The following KCNH2 variants were observed in gnomAD, a reference collection of about 807,000 sequenced individuals.
KCNH2 encodes voltage-gated inwardly rectifying potassium channel KCNH2.
In KCNH2, 35 loss-of-function variants were observed where a neutral mutation model predicts 95.9. The ratio of observed to expected loss-of-function variants is 0.37; its 90% CI spans 0.28 to 0.48. The LOEUF (loss-of-function observed/expected upper bound fraction) is 0.48. Ranked by LOEUF, KCNH2 falls within the 20% of genes least tolerant of loss-of-function variation. The probability of loss-of-function intolerance (pLI) is 0.99; values close to 1 mark genes in which losing one functional copy is unlikely to be tolerated. For synonymous variants in KCNH2, 786 were observed against 754.7 expected, an observed-to-expected ratio of 1.04 and a Z score of -0.68; for missense variants, 1,274 against 1,702.9, an observed-to-expected ratio of 0.75 and a Z score of 4.43.
intron 2 of KCNH2, among the ~76,000 whole-genome samples, chr7:150,967,475 G>A (rs1174915074): frequency 2.6e-5 from 4 of 152,192 alleles, no homozygotes; most frequent in Non-Finnish European, 4.4e-5. Flanking sequence ...AGAACAGAGA[G>A]CACAGGGACA....
At chr7:150,953,550 G>A (rs1475123529) in intron 5 of KCNH2, among the ~76,000 whole-genome samples, 1 of 152,088 alleles carries the variant, frequency 6.6e-6, no homozygotes, top group African/African-American at 2.4e-5. Flanking sequence ...GTGCACACAG[G>A]GACTGCTCAG....
intron 2 of KCNH2, among the ~76,000 whole-genome samples, chr7:150,963,520 C>G (rs996115448): frequency 4.6e-5 from 7 of 152,182 alleles, no homozygotes; most frequent in Non-Finnish European, 1.0e-4. Context: ...TGAGAGGCCC[C>G]AGGGCCAGCC....
chr7:150,948,147 G>A (rs1800988844), intron 11 of KCNH2, among the ~76,000 whole-genome samples: 1 of 152,220 alleles, frequency 6.6e-6, no homozygotes, highest in African/African-American at 2.4e-5. Flanking sequence ...TGGCTCCCTG[G>A]CCCTCCTTTG....
Position 150,948,994 on chromosome 7 carries a change from C to T in KCNH2, c.2454G>A (p.Ser818=), listed in dbSNP as rs72549418. The T allele has an allele frequency of 3.0e-4, 482 of 1,614,176 alleles. No individual in the cohort carries two copies. The highest frequency in any genetic ancestry group is 8.2e-4 in the Middle Eastern group (5 of 6,062). The change falls in exon 10 of 15, where the codon TCG becomes TCA. Residue 818 remains serine, a synonymous_variant. Coordinates refer to ENST00000262186, the MANE Select transcript of KCNH2 (RefSeq NM_000238.4). ...AGGTGAGGGCCCGCACATCCCCGTT[C>T]GACTTGCCAGGCCTTGCATACAGGT... The part of the protein sequence containing the change: ...PLNLYARPGK[S]NGDVRALTYC...
At chr7:150,975,083 G>A in intron 1 of KCNH2, 142 bp from the exon 2 acceptor site, 1 of 711,074 alleles carries the variant, frequency 1.4e-6, no homozygotes. Flanking sequence ...GTCCCAGCAG[G>A]GGGCGAACGC....
At chr7:150,947,162 G>A (rs1800926736) in intron 13 of KCNH2, 108 bp from the exon 14 acceptor site, 1 of 1,119,184 alleles carries the variant, frequency 8.9e-7, no homozygotes, top group African/African-American at 1.5e-5. Context: ...TGTCAACCCA[G>A]GCCCTCCGCG....
At chr7:150,949,610 T>C (rs1363523017) in intron 9 of KCNH2, 3 of 1,081,040 alleles carry the variant, frequency 2.8e-6, no homozygotes, top group East Asian at 1.5e-4. Context: ...TACCATCAAC[T>C]ATGGTCGAAA....
rs551939236 is a variant in KCNH2 at position 150,950,541 on chromosome 7, C to T, written c.2146-121G>A. ...CTCAACCTCCAGGCCTGGGAGATCTCGGAAGCATCAGGGGGCCCAGTGTCT... is the reference window on the plus strand; with the variant it reads ...CTCAACCTCCAGGCCTGGGAGATCTTGGAAGCATCAGGGGGCCCAGTGTCT... On this transcript the variant is annotated intron_variant, in intron 8 of 14. Coordinates refer to ENST00000262186, the MANE Select transcript of KCNH2 (RefSeq NM_000238.4). 2.1e-5 allele frequency: 28 copies of T among 1,336,122 alleles called. No homozygotes were observed. The African/African-American group carries it at 2.3e-4, about 11-fold the overall frequency. The allele number at this position is 1,336,122 out of a possible 1,614,324, so 82.8% of individuals were successfully genotyped here.
chr7:150,948,913 G>A lies in KCNH2; in HGVS notation c.2535C>T (p.Tyr845=), dbSNP rs111531831. The A allele has an allele frequency of 3.1e-6, 5 of 1,614,212 alleles. No homozygotes were observed. The highest frequency in any genetic ancestry group is 1.1e-5 in the South Asian group (1 of 91,084). ...RDDLLEVLDM[Y]PEFSDHFWSS... is the part of the protein sequence containing the mutation. ...ACCAGAAGTGGTCGGAGAACTCAGG[G>A]TACATGTCCAGCACCTCCAGCAGGT... Residue 845 remains tyrosine (Y), a synonymous_variant, in exon 10 of 15, where the codon TAC becomes TAT. Transcript: ENST00000262186.
rs749161732 is a variant in KCNH2 at position 150,952,824 on chromosome 7, A to G, written c.1158T>C (p.Pro386=). ...QVLSLGADVL[P]EYKLQAPRIH... is the part of the protein sequence containing the mutation. Reference sequence around the variant, plus strand: ...TGCGCGGTGCCTGCAGCTTGTACTCAGGCAGCACGTCGGCGCCCAGGGACA... The same window carrying G: ...TGCGCGGTGCCTGCAGCTTGTACTCGGGCAGCACGTCGGCGCCCAGGGACA... The change falls in exon 6 of 15, where the codon CCT becomes CCC. Residue 386 remains proline, a synonymous_variant. Coordinates refer to ENST00000262186, the MANE Select transcript of KCNH2 (RefSeq NM_000238.4). This position sits in a 1 kb window ranked among gnomAD's most constrained non-coding sequence, Gnocchi z 7.3. The G allele has an allele frequency of 1.6e-5, 26 of 1,613,830 alleles. No individual in the cohort carries two copies. Among genetic ancestry groups the G allele is most frequent in the Admixed American group, 5.0e-5 (3 of 59,984 alleles).
At chr7:150,957,247 A>G (rs1404507499) in intron 5 of KCNH2, 44 bp downstream of exon 5, 4 of 1,483,684 alleles carry the variant, frequency 2.7e-6, no homozygotes, top group Non-Finnish European at 3.7e-6. Flanking sequence ...CCCCTCTCCA[A>G]GCTCCTCCAA....
intron 13 of KCNH2, 68 bp downstream of exon 13, chr7:150,947,260 A>G (rs1800930078): frequency 1.5e-6 from 2 of 1,362,192 alleles, no homozygotes; most frequent in African/African-American, 1.4e-5. Context: ...TCCCTCTACC[A>G]GACAACACCG....
In KCNH2 at chr7:150,947,663, C is replaced by T. The variant is rs1800959537; in HGVS notation, c.2908G>A (p.Gly970Arg). Residue 970 changes from glycine to arginine, a missense_variant, in exon 12 of 15, where the codon GGG becomes AGG. This residue lies in a region of KCNH2 where 457 missense variants were observed against 416.1 expected (regional missense o/e 1.10). Coordinates refer to ENST00000262186, the MANE Select transcript of KCNH2 (RefSeq NM_000238.4). ...TCGCAGTCCTCCATCAGGGGCTCCC[C>T]ACCCGGCGGCTCTCCGGGGGGCCTG... is the stretch of plus-strand genomic sequence containing the variant. ...SPRPPGEPPG[G>R]EPLMEDCEKS... 1 of 1,609,210 alleles carries T rather than the reference C, an allele frequency of 6.2e-7. No individual in the cohort carries two copies. Among genetic ancestry groups the T allele is most frequent in the South Asian group, 1.1e-5 (1 of 90,358 alleles).
At chr7:150,967,288 AT>A (rs1377360692) in intron 2 of KCNH2, among the ~76,000 whole-genome samples, 1 of 152,240 alleles carries the variant, frequency 6.6e-6, no homozygotes, top group Non-Finnish European at 1.5e-5. Context: ...GAAAAAATTA[AT>A]TAATTAATAA....
Position 150,958,494 on chromosome 7 carries a change from T to C in KCNH2, c.481A>G (p.Lys161Glu), listed in dbSNP as rs1206070955. The change falls in exon 4 of 15, where the codon AAG becomes GAG. Residue 161 changes from lysine (K) to glutamate (E), a missense_variant. By Grantham distance (56) the Lys-to-Glu change is moderately conservative. Around this residue, in one of 7 missense-constraint regions of KCNH2, gnomAD observed 392 missense variants for 429.9 expected, o/e 0.91. Transcript: ENST00000262186. The stretch of plus-strand genomic sequence containing the variant: ...GCGGGCAGCTTCAGGCGGAAGGTCT[T>C]GGCGCGGCCTGCGGGAGAGGAGAGG... ...PTSWLAPGRAKTFRLKLPALL... is the reference protein window; with the variant it reads ...PTSWLAPGRAETFRLKLPALL... 1.4e-6 allele frequency: 2 copies of C among 1,475,862 alleles called. No homozygotes were observed. The highest frequency in any genetic ancestry group is 2.2e-4 in the Middle Eastern group (1 of 4,610). The allele number at this position is 1,475,862 out of a possible 1,614,324, so 91.4% of individuals were successfully genotyped here.
At chr7:150,976,730 A>ACTC (rs762652126) in intron 1 of KCNH2, among the ~76,000 whole-genome samples, 1 of 132,390 alleles carries the variant, frequency 7.6e-6, no homozygotes, top group African/African-American at 2.9e-5. Context: ...AGAATCCAGC[A>ACTC]CCCCCCCCCA....
chr7:150,977,726 T>C (rs543255982), intron 1 of KCNH2, 112 bp downstream of exon 1: 577 of 750,838 alleles, frequency 7.7e-4, no homozygotes, highest in Non-Finnish European at 1.0e-3. Context: ...CCAGGCCCCA[T>C]TGACTCGCAC....
Position 150,978,063 on chromosome 7 carries a change from C to CG in KCNH2, c.-151dup, listed in dbSNP as rs1453166955. 1.7e-4 allele frequency: 42 copies of CG among 252,448 alleles called. No individual in the cohort carries two copies. Among genetic ancestry groups the CG allele is most frequent in the Admixed American group, 1.6e-3 (29 of 17,620 alleles). 15.6% of individuals were successfully genotyped at this position (252,448 alleles called of 1,614,324 possible). The stretch of plus-strand genomic sequence containing the variant: ...GCGGCCAAGACTGGACTGCGGGCGC[C>CG]GGGTCCTCGCTCGGCTCCCGGCTCC... On this transcript the variant is annotated 5_prime_UTR_variant, in exon 1 of 15. Transcript: ENST00000262186.
rs1373471018 is a variant in KCNH2 at position 150,978,091 on chromosome 7, G to A, written c.-178C>T. ...GTCCTCGCTCGGCTCCCGGCTCCCC[G>A]CTCCGGACCCCGGGCCCGGCCTGGA... On this transcript the variant is annotated 5_prime_UTR_variant, in exon 1 of 15. Coordinates refer to ENST00000262186, the MANE Select transcript of KCNH2 (RefSeq NM_000238.4). 2 of 192,780 alleles carry A rather than the reference G, an allele frequency of 1.0e-5. No homozygotes were observed. Among genetic ancestry groups the A allele is most frequent in the East Asian group, 1.2e-4 (1 of 8,028 alleles). The allele number at this position is 192,780 out of a possible 1,614,324, so 11.9% of individuals were successfully genotyped here. A position where few individuals can be genotyped will look rare whatever the true frequency, so the allele number is the denominator to read the frequency against.
Sources: gnomAD v4.1 joint callset for allele counts (sites outside exome capture counted in the v4.1 genomes callset) on GRCh38, gnomAD v4.1.1 for gene constraint, gnomAD v4.1.1 regional missense constraint, Gnocchi (gnomAD v3.1) non-coding constraint, MANE v1.5 for transcripts, NCBI Gene and HGNC (gene_info 2026-07-23, HGNC 2026-07-21) for gene names.